The following IQCM variants were observed in gnomAD, a reference collection of about 807,000 sequenced individuals.
IQCM encodes IQ domain-containing protein M.
A neutral mutation model predicts 57.6 loss-of-function variants in IQCM; 45 were observed. The ratio of observed to expected loss-of-function variants is 0.78; its 90% confidence interval spans 0.62 to 1.00. IQCM has a LOEUF of 1.00. IQCM is among the 50% of genes least tolerant of loss of function. The pLI is 0.00. For synonymous variants in IQCM, 148 were observed against 158.9 expected (o/e 0.93, Z 0.51); for missense variants, 468 against 511.6 (o/e 0.91, Z 0.82).
intron 13 of IQCM, among the ~76,000 whole-genome samples, chr4:149,367,743 T>TA (rs1489735717): frequency 1.3e-5 from 2 of 152,114 alleles, no homozygotes; most frequent in East Asian, 3.9e-4. Flanking sequence ...TCTAAAACTC[T>TA]ATGAAAGTCA....
chr4:149,648,050 A>T (rs1758803530), intron 7 of IQCM, among the ~76,000 whole-genome samples: 1 of 152,082 alleles, frequency 6.6e-6, no homozygotes, highest in Non-Finnish European at 1.5e-5. Flanking sequence ...TTTTTTCTAG[A>T]ATTTCTGCTG....
At position 149,683,916 on chromosome 4, in the gene IQCM, C is replaced by T. The variant is rs1323479248; in HGVS notation, c.477-1710G>A. 2.0e-5 allele frequency among the ~76,000 whole-genome samples: 3 copies of T among 151,184 alleles called. No homozygotes were observed. In the East Asian group the frequency reaches 5.8e-4, roughly 29 times the overall value. ...CATTCTGTTATGAAATTGATCAGAACAACCTAAACATGAATTGTCATGTAA... is the reference window on the plus strand; with the variant it reads ...CATTCTGTTATGAAATTGATCAGAATAACCTAAACATGAATTGTCATGTAA... On this transcript the variant is annotated intron_variant, in intron 6 of 13. Coordinates refer to ENST00000636793, the MANE Select transcript of IQCM (RefSeq NM_001363507.2).
At chr4:149,580,276 G>T (rs1752056900) in intron 9 of IQCM, among the ~76,000 whole-genome samples, 1 of 151,736 alleles carries the variant, frequency 6.6e-6, no homozygotes, top group African/African-American at 2.4e-5. Context: ...GAATAAAAGA[G>T]ATGTGAGAAT....
intron 13 of IQCM, among the ~76,000 whole-genome samples, chr4:149,375,544 T>C (rs192890306): frequency 1.4e-4 from 21 of 152,330 alleles, no homozygotes; most frequent in Non-Finnish European, 2.2e-4. Context: ...AATTTCTACT[T>C]TCAAAGTGTT....
chr4:149,369,747 G>T (rs1300250980), intron 13 of IQCM, among the ~76,000 whole-genome samples: 1 of 152,170 alleles, frequency 6.6e-6, no homozygotes, highest in Admixed American at 6.5e-5. Flanking sequence ...AACCATCTGT[G>T]CTTATAATCT....
At chr4:149,437,118 C>T (rs1735437734) in intron 12 of IQCM, among the ~76,000 whole-genome samples, 1 of 152,056 alleles carries the variant, frequency 6.6e-6, no homozygotes, top group Non-Finnish European at 1.5e-5. Flanking sequence ...AACTTCAAAG[C>T]CTTTCTTTTA....
At chr4:149,574,462 G>T (rs1751454929) in intron 9 of IQCM, among the ~76,000 whole-genome samples, 1 of 151,964 alleles carries the variant, frequency 6.6e-6, no homozygotes. Flanking sequence ...AAGAATGAGA[G>T]AAAGAACAGG....
intron 7 of IQCM, among the ~76,000 whole-genome samples, chr4:149,677,531 A>C (rs1283002695): frequency 6.6e-6 from 1 of 152,092 alleles, no homozygotes; most frequent in Non-Finnish European, 1.5e-5. Flanking sequence ...TATATCCAAT[A>C]AAAAAATAAA....
intron 13 of IQCM, among the ~76,000 whole-genome samples, chr4:149,361,731 G>A (rs1227154743): frequency 2.0e-5 from 3 of 152,226 alleles, no homozygotes; most frequent in Non-Finnish European, 2.9e-5. Flanking sequence ...AAAGTTTGCT[G>A]CAGGGGTGGG....
intron 13 of IQCM, among the ~76,000 whole-genome samples, chr4:149,353,838 G>A (rs1159352517): frequency 6.6e-6 from 1 of 152,092 alleles, no homozygotes; most frequent in Non-Finnish European, 1.5e-5. Context: ...TGTTTAAGAT[G>A]AACAGGTCTA....
At chr4:149,536,173 C>A (rs1299607033) in intron 12 of IQCM, among the ~76,000 whole-genome samples, 1 of 151,978 alleles carries the variant, frequency 6.6e-6, no homozygotes, top group Non-Finnish European at 1.5e-5. Context: ...TGATTTATTT[C>A]CAAAATCTAA....
chr4:149,447,329 C>G (rs1463512547), intron 12 of IQCM, among the ~76,000 whole-genome samples: 4 of 151,490 alleles, frequency 2.6e-5, no homozygotes, highest in African/African-American at 9.7e-5. Context: ...ACAACTCATA[C>G]TGAGGAGAAA....
At chr4:149,735,997 G>C (rs541339503) in intron 3 of IQCM, among the ~76,000 whole-genome samples, 1 of 149,944 alleles carries the variant, frequency 6.7e-6, no homozygotes, top group Non-Finnish European at 1.5e-5. Context: ...GCCCAATCTG[G>C]AGTACAGTTG....
chr4:149,433,106 A>G (rs1039561427), intron 13 of IQCM, among the ~76,000 whole-genome samples: 1 of 152,034 alleles, frequency 6.6e-6, no homozygotes, highest in African/African-American at 2.4e-5. Flanking sequence ...AGTCCTGAAC[A>G]TGAATGTTCA....
At chr4:149,442,668 G>C (rs1349166910) in intron 12 of IQCM, among the ~76,000 whole-genome samples, 1 of 151,876 alleles carries the variant, frequency 6.6e-6, no homozygotes. Context: ...TCTACTAACA[G>C]TCTGTTTATA....
intron 5 of IQCM, among the ~76,000 whole-genome samples, chr4:149,698,656 A>G (rs777582556): frequency 6.6e-6 from 1 of 152,122 alleles, no homozygotes; most frequent in Non-Finnish European, 1.5e-5. Flanking sequence ...GCACAACTCT[A>G]ATAAAGACAA....
chr4:149,392,102 T>G (rs921683698), intron 13 of IQCM, among the ~76,000 whole-genome samples: 4 of 143,632 alleles, frequency 2.8e-5, no homozygotes, highest in African/African-American at 1.0e-4. Context: ...TTCAGTTGTC[T>G]ATTTCTCCCT....
At chr4:149,488,016 A>G (rs1560904256) in intron 12 of IQCM, among the ~76,000 whole-genome samples, 1 of 152,088 alleles carries the variant, frequency 6.6e-6, no homozygotes, top group Non-Finnish European at 1.5e-5. Context: ...GTAGGCTTCT[A>G]TTCTGCCATC....
chr4:149,653,579 T>G (rs780838403), intron 7 of IQCM, among the ~76,000 whole-genome samples: 3 of 152,082 alleles, frequency 2.0e-5, no homozygotes, highest in Non-Finnish European at 4.4e-5. Flanking sequence ...ATCATGCCCC[T>G]ATTTTCTTCT....
Sources: gnomAD v4.1 joint callset for allele counts (sites outside exome capture counted in the v4.1 genomes callset) on GRCh38, gnomAD v4.1.1 for gene constraint, MANE v1.5 for transcripts, NCBI Gene and HGNC (gene_info 2026-07-23, HGNC 2026-07-21) for gene names.